Variants in BLNK observed in about 807,000 individuals in gnomAD.
BLNK encodes the protein B cell linker.
BLNK carries 29 observed loss-of-function variants against 73.5 expected under a neutral mutation model. The observed-to-expected ratio is 0.39, with a 90% CI of 0.29 to 0.54. The LOEUF (loss-of-function observed/expected upper bound fraction) is 0.54, where lower values mean the gene tolerates loss of function less well. BLNK is among the 20% of genes least tolerant of loss of function. The pLI is 0.61. For missense variants in BLNK, 460 were observed against 562.8 expected, an observed-to-expected ratio of 0.82 and a Z score of 1.85; for synonymous variants, 176 against 200.8, an observed-to-expected ratio of 0.88 and a Z score of 1.04.
chr10:96,208,374 C>T (rs1346044579), intron 9 of BLNK, among the ~76,000 whole-genome samples: 1 of 152,118 alleles, frequency 6.6e-6, no homozygotes, highest in Non-Finnish European at 1.5e-5. Context: ...GCTGCACTTG[C>T]CCACTCCAGC....
At chr10:96,258,605 G>A (rs1843618562) in intron 1 of BLNK, among the ~76,000 whole-genome samples, 1 of 152,020 alleles carries the variant, frequency 6.6e-6, no homozygotes, top group African/African-American at 2.4e-5. Context: ...AGAGAAGGTG[G>A]GGGGTACCTC....
intron 1 of BLNK, among the ~76,000 whole-genome samples, chr10:96,248,280 GA>G (rs1843133310): frequency 6.6e-6 from 1 of 152,118 alleles, no homozygotes; most frequent in South Asian, 2.1e-4. Flanking sequence ...GATTTACAAA[GA>G]AATCTTACAA....
chr10:96,216,564 T>G, intron 7 of BLNK, 89 bp downstream of exon 7: 1 of 1,154,768 alleles, frequency 8.7e-7, no homozygotes, highest in Admixed American at 1.8e-5. Flanking sequence ...CTGTCATTTC[T>G]GAGCCTCTTA....
chr10:96,210,268 A>G (rs868989306), intron 8 of BLNK: 16 of 365,990 alleles, frequency 4.4e-5, no homozygotes, highest in Non-Finnish European at 6.3e-5. Flanking sequence ...GGGAGCCAAC[A>G]GCTCACACCT....
At chr10:96,228,713 C>A (rs1194803089) in intron 4 of BLNK, among the ~76,000 whole-genome samples, 1 of 152,168 alleles carries the variant, frequency 6.6e-6, no homozygotes, top group Non-Finnish European at 1.5e-5. Flanking sequence ...GTTTCTTGTG[C>A]ATGTTTTTCA....
At chr10:96,218,533 A>C (rs2084119970) in intron 6 of BLNK, among the ~76,000 whole-genome samples, 1 of 152,164 alleles carries the variant, frequency 6.6e-6, no homozygotes, top group Non-Finnish European at 1.5e-5. Flanking sequence ...CTCTACAAAA[A>C]ATATAGAAAA....
In BLNK at chr10:96,267,489, A is replaced by G. The variant is rs17297837; in HGVS notation, c.47+3863T>C. Among the ~76,000 whole-genome samples, 1,352 of 152,294 alleles carry G rather than the reference A, an allele frequency of 8.9e-3. 12 individuals carry two copies. The highest frequency in any genetic ancestry group is 0.012 in the Non-Finnish European group (803 of 68,018). On this transcript the variant is annotated intron_variant, in intron 1 of 16. Transcript: ENST00000224337. The stretch of plus-strand genomic sequence containing the variant: ...GAAAAGAAGGTGAATTTGTTTCTGA[A>G]GAACTGAACCAGAAAAATCAAGGAA...
chr10:96,207,036 T>A lies in BLNK; in HGVS notation c.792A>T (p.Gln264His). The A allele has an allele frequency of 6.2e-7, 1 of 1,614,072 alleles. No individual in the cohort carries two copies. The change falls in exon 11 of 17, where the codon CAA becomes CAT. Residue 264 changes from glutamine to histidine, a missense_variant. Physicochemically the swap from Gln to His is conservative, Grantham distance 24 (BLOSUM62 0). Coordinates refer to ENST00000224337, the MANE Select transcript of BLNK (RefSeq NM_013314.4). ...CTTCACAAACACTTGAAGCATTCTG[T>A]TGAGAGGCAACTGGAGTCTATGTAA... Reference protein sequence around the residue: ...TPLKTTPVASQQNASSVCEEK... With the variant: ...TPLKTTPVASHQNASSVCEEK...
In BLNK at chr10:96,207,025, G is replaced by A. The variant is rs2083831072; in HGVS notation, c.803C>T (p.Ser268Leu). ...ATAGATTTTACCTTCACAAACACTT[G>A]AAGCATTCTGTTGAGAGGCAACTGG... ...TTPVASQQNA[S>L]SVCEEKPIPA... Residue 268 changes from serine (S) to leucine (L), a missense_variant, in exon 11 of 17, where the codon TCA becomes TTA. Ser to Leu is a moderately radical substitution (Grantham distance 145, BLOSUM62 -2). Coordinates refer to ENST00000224337, the MANE Select transcript of BLNK (RefSeq NM_013314.4). 6.2e-7 allele frequency: 1 copy of A among 1,613,972 alleles called. No homozygotes were observed. The highest frequency in any genetic ancestry group is 2.2e-5 in the East Asian group (1 of 44,856).
At chr10:96,262,305 TAACA>T (rs1470967889) in intron 1 of BLNK, among the ~76,000 whole-genome samples, 2 of 152,182 alleles carry the variant, frequency 1.3e-5, no homozygotes, top group Non-Finnish European at 2.9e-5. Flanking sequence ...GATGCCTCTC[TAACA>T]ACACAATCCA....
At chr10:96,257,788 C>T (rs549845425) in intron 1 of BLNK, among the ~76,000 whole-genome samples, 43 of 152,330 alleles carry the variant, frequency 2.8e-4, no homozygotes, top group Non-Finnish European at 5.6e-4. Context: ...ACAGAGCTAA[C>T]CTGAACACAA....
intron 7 of BLNK, among the ~76,000 whole-genome samples, chr10:96,215,610 T>A (rs2084047249): frequency 6.6e-6 from 1 of 152,172 alleles, no homozygotes; most frequent in South Asian, 2.1e-4. Context: ...GATTCATAAT[T>A]TGATATATTA....
chr10:96,254,599 C>T (rs1485716582), intron 1 of BLNK, among the ~76,000 whole-genome samples: 1 of 152,158 alleles, frequency 6.6e-6, no homozygotes, highest in Non-Finnish European at 1.5e-5. Context: ...CAACCTCCGC[C>T]TCCCAGGTTC....
chr10:96,255,733 A>G (rs1311421051), intron 1 of BLNK, among the ~76,000 whole-genome samples: 5 of 152,160 alleles, frequency 3.3e-5, no homozygotes, highest in African/African-American at 9.7e-5. Flanking sequence ...CTGAGCCAAG[A>G]TCTAAGCCTA....
Position 96,191,234 on chromosome 10 carries a change from TC to T in BLNK, c.*738del, listed in dbSNP as rs1158177412. Among the ~76,000 whole-genome samples, 1 of 119,508 alleles carries T rather than the reference TC, an allele frequency of 8.4e-6. No individual in the cohort carries two copies. Among genetic ancestry groups the T allele is most frequent in the Non-Finnish European group, 1.8e-5 (1 of 55,482 alleles). 78.4% of individuals were successfully genotyped at this position (119,508 alleles called of 152,430 possible). The stretch of plus-strand genomic sequence containing the variant: ...TGTGGAACTGTGAGTCCATTAAACC[TC>T]TTTTTTTTTTTTTTTTTTTATGTAA... On this transcript the variant is annotated 3_prime_UTR_variant, in exon 17 of 17. Coordinates refer to ENST00000224337, the MANE Select transcript of BLNK (RefSeq NM_013314.4).
chr10:96,191,190 T>A lies in BLNK; in HGVS notation c.*783A>T, dbSNP rs1007059673. Among the ~76,000 whole-genome samples the A allele has an allele frequency of 3.9e-5, 6 of 152,002 alleles. No homozygotes were observed. The highest frequency in any genetic ancestry group is 8.8e-5 in the Non-Finnish European group (6 of 67,998). The stretch of plus-strand genomic sequence containing the variant: ...CTTCTTCTTTGCCTTCTGCCATGAT[T>A]GTGAGGCCTCCCCAACCATGTGGAA... On this transcript the variant is annotated 3_prime_UTR_variant, in exon 17 of 17. Transcript: ENST00000224337.
chr10:96,269,421 CA>C (rs11295392), intron 1 of BLNK, among the ~76,000 whole-genome samples: 25,258 of 136,570 alleles, frequency 0.18, 3,590 homozygotes, highest in East Asian at 0.53. Context: ...TGTCTGAAAA[CA>C]AAAAAAAAAA....
chr10:96,236,129 A>G (rs1279381128), intron 3 of BLNK, among the ~76,000 whole-genome samples: 1 of 152,114 alleles, frequency 6.6e-6, no homozygotes, highest in Non-Finnish European at 1.5e-5. Context: ...TTCTGAGTCA[A>G]TAGGAGCACC....
chr10:96,248,429 A>C (rs1554908226), intron 1 of BLNK, among the ~76,000 whole-genome samples: 1 of 152,252 alleles, frequency 6.6e-6, no homozygotes, highest in Non-Finnish European at 1.5e-5. Flanking sequence ...ACAAATCTAA[A>C]TCTAAACAAC....
Sources: allele counts gnomAD v4.1 joint callset (sites outside exome capture counted in the v4.1 genomes callset), GRCh38; gene constraint gnomAD v4.1.1; transcripts MANE v1.5; gene names NCBI Gene and HGNC (gene_info 2026-07-23, HGNC 2026-07-21).